Variants in MEIS1 observed in about 807,000 individuals in gnomAD.
MEIS1 encodes the protein homeobox protein Meis1.
In MEIS1, 5 loss-of-function variants were observed where a neutral mutation model predicts 50.8. That is an observed-to-expected ratio of 0.10 (90% CI 0.05 to 0.21). The LOEUF is 0.21. MEIS1 is among the 10% of genes least tolerant of loss of function. The pLI is 1.00. For synonymous variants in MEIS1, 176 were observed against 179.3 expected (o/e 0.98, Z 0.15); for missense variants, 318 against 517.3 (o/e 0.61, Z 3.74).
intron 6 of MEIS1, chr2:66,443,641 G>A (rs1672055208): frequency 6.6e-6 from 1 of 152,224 alleles, no homozygotes; most frequent in African/African-American, 2.4e-5. Context: ...CCATTTTATT[G>A]TACTTAATAG....
At chr2:66,569,867 G>A (rs1343046796) in intron 12 of MEIS1, 1 of 152,624 alleles carries the variant, frequency 6.6e-6, no homozygotes. Context: ...GATCATTAAT[G>A]CAATCATCAG....
rs563194482 is a variant in MEIS1 at position 66,568,293 on chromosome 2, CTTTCTTTAT to C, written c.1025-373_1025-365del. On this transcript the variant is annotated intron_variant, in intron 10 of 12. Coordinates refer to ENST00000272369, the MANE Select transcript of MEIS1 (RefSeq NM_002398.3). ...TTGCTAGGGGTGATGTGAGTCTTTACTTTCTTTATGAAATACTCTCTCATCTCTTAGGGA... is the reference window on the plus strand; with the variant it reads ...TTGCTAGGGGTGATGTGAGTCTTTACGAAATACTCTCTCATCTCTTAGGGA... 3.2e-5 allele frequency: 6 copies of C among 188,970 alleles called. No individual in the cohort carries two copies. In the East Asian group the frequency reaches 8.6e-4, roughly 27 times the overall value. 11.7% of individuals were successfully genotyped at this position (188,970 alleles called of 1,614,324 possible). A position where few individuals can be genotyped will look rare whatever the true frequency, so the allele number is the denominator to read the frequency against.
At chr2:66,531,009 G>T (rs997849526) in intron 8 of MEIS1, among the ~76,000 whole-genome samples, 1 of 152,174 alleles carries the variant, frequency 6.6e-6, no homozygotes, top group Admixed American at 6.5e-5. Flanking sequence ...GAGAAAAGGG[G>T]AGTTTTAAAT....
intron 6 of MEIS1, among the ~76,000 whole-genome samples, chr2:66,460,418 A>G (rs970180302): frequency 5.9e-5 from 9 of 152,318 alleles, no homozygotes; most frequent in African/African-American, 2.2e-4. Flanking sequence ...GTTCTTAAGA[A>G]ACGATAGAAG....
chr2:66,554,674 T>A (rs1344943479), intron 9 of MEIS1, among the ~76,000 whole-genome samples: 1 of 152,226 alleles, frequency 6.6e-6, no homozygotes, highest in South Asian at 2.1e-4. Context: ...AGGACTCTTT[T>A]AGCTGTAATA....
At chr2:66,456,217 A>C (rs1444377515) in intron 6 of MEIS1, among the ~76,000 whole-genome samples, 1 of 119,246 alleles carries the variant, frequency 8.4e-6, no homozygotes, top group Non-Finnish European at 1.7e-5. Context: ...ACCCACAGTG[A>C]CTATCATATG....
chr2:66,451,182 A>C (rs1672268647), intron 6 of MEIS1, among the ~76,000 whole-genome samples: 1 of 152,126 alleles, frequency 6.6e-6, no homozygotes, highest in Non-Finnish European at 1.5e-5. Context: ...AGCTGTGAAC[A>C]CTTGGTATAA....
At chr2:66,546,195 C>T (rs376064763) in intron 8 of MEIS1, among the ~76,000 whole-genome samples, 1 of 152,028 alleles carries the variant, frequency 6.6e-6, no homozygotes, top group Non-Finnish European at 1.5e-5. Flanking sequence ...AGGCGGGGTG[C>T]TGGGAGGTGG....
chr2:66,490,947 C>T (rs1425068606), intron 7 of MEIS1, among the ~76,000 whole-genome samples: 1 of 152,102 alleles, frequency 6.6e-6, no homozygotes, highest in African/African-American at 2.4e-5. Flanking sequence ...TTTATCTCTC[C>T]GGTTCATTGT....
chr2:66,533,574 G>A (rs991670174), intron 8 of MEIS1, among the ~76,000 whole-genome samples: 15 of 152,200 alleles, frequency 9.9e-5, no homozygotes, highest in Admixed American at 2.0e-4. Context: ...ATTTACTTCT[G>A]TGAAGCTCAA....
chr2:66,438,663 T>C (rs1438752969), intron 2 of MEIS1, among the ~76,000 whole-genome samples: 1 of 152,220 alleles, frequency 6.6e-6, no homozygotes, highest in African/African-American at 2.4e-5. Flanking sequence ...CGGTTTATAC[T>C]GCTTTCTCCT....
chr2:66,486,927 A>G (rs1243384348), intron 7 of MEIS1, among the ~76,000 whole-genome samples: 2 of 152,116 alleles, frequency 1.3e-5, no homozygotes, highest in East Asian at 1.9e-4. Flanking sequence ...AATGCTTATG[A>G]TTTTGCACAT....
At chr2:66,436,270 C>T (rs1397632490) in intron 1 of MEIS1, among the ~76,000 whole-genome samples, 1 of 152,142 alleles carries the variant, frequency 6.6e-6, no homozygotes, top group Non-Finnish European at 1.5e-5. Flanking sequence ...TCTTTAATAT[C>T]ACTAGAAGTA....
At chr2:66,510,016 A>G (rs1175006344) in intron 7 of MEIS1, among the ~76,000 whole-genome samples, 1 of 152,114 alleles carries the variant, frequency 6.6e-6, no homozygotes, top group Non-Finnish European at 1.5e-5. Context: ...AGGTGGTGAA[A>G]ACAGTATTGT....
chr2:66,529,458 A>G (rs1198331911), intron 8 of MEIS1, among the ~76,000 whole-genome samples: 1 of 152,146 alleles, frequency 6.6e-6, no homozygotes, highest in Non-Finnish European at 1.5e-5. Flanking sequence ...TCTTTTAGAA[A>G]TAGGGTCTCA....
Position 66,571,918 on chromosome 2 carries a change from G to T in MEIS1, c.*710G>T, listed in dbSNP as rs1005283336. On this transcript the variant is annotated 3_prime_UTR_variant, in exon 13 of 13. Transcript: ENST00000272369. ...TATCCTGCAAGGGACAGGAAGGTCT[G>T]ATTTGCAGGATTTTTAGAGCATTAA... The T allele has an allele frequency of 5.7e-6, 1 of 175,184 alleles. No homozygotes were observed. The highest frequency in any genetic ancestry group is 2.4e-5 in the African/African-American group (1 of 41,710). The allele number at this position is 175,184 out of a possible 1,614,324, so 10.9% of individuals were successfully genotyped here. A position where few individuals can be genotyped will look rare whatever the true frequency, so the allele number is the denominator to read the frequency against.
intron 8 of MEIS1, among the ~76,000 whole-genome samples, chr2:66,534,523 G>C (rs7600007): frequency 0.61 from 92,788 of 151,578 alleles, 28,793 homozygotes; most frequent in East Asian, 0.81. Context: ...AACAGAGTGA[G>C]ACTCTGTCTT....
chr2:66,551,209 CAAG>C (rs1454927155), intron 9 of MEIS1, among the ~76,000 whole-genome samples: 2 of 152,096 alleles, frequency 1.3e-5, no homozygotes, highest in Admixed American at 6.6e-5. Flanking sequence ...GAAAAATAGA[CAAG>C]AAGTTTGCTA....
In MEIS1 at chr2:66,512,187, G is replaced by C; in HGVS notation, c.781G>C (p.Gly261Arg). Residue 261 changes from glycine to arginine, a missense_variant, in exon 8 of 13, where the codon GGT becomes CGT. Around this residue, in one of 6 missense-constraint regions of MEIS1, gnomAD observed 40 missense variants for 102.8 expected, o/e 0.39. Transcript: ENST00000272369. The stretch of plus-strand genomic sequence containing the variant: ...CAACAGTGTAGCTTCCCCCAGCACA[G>C]GTGACGATGATGACCCTGATAAGGA... ...LDNSVASPST[G>R]DDDDPDKDKK... 6.2e-7 allele frequency: 1 copy of C among 1,609,350 alleles called. No individual in the cohort carries two copies. The highest frequency in any genetic ancestry group is 8.5e-7 in the Non-Finnish European group (1 of 1,177,202).
Sources: allele counts gnomAD v4.1 joint callset (sites outside exome capture counted in the v4.1 genomes callset), GRCh38; gene constraint gnomAD v4.1.1; regional missense constraint gnomAD v4.1.1; transcripts MANE v1.5; gene names NCBI Gene and HGNC (gene_info 2026-07-23, HGNC 2026-07-21).